CNTNAP2: variants seen among roughly 807,000 people sequenced by gnomAD.
The protein encoded by CNTNAP2 is contactin associated protein 2, also known as contactin-associated protein-like 2.
A neutral mutation model predicts 155.2 loss-of-function variants in CNTNAP2; 98 were observed. The observed-to-expected ratio is 0.63, with a 90% confidence interval of 0.54 to 0.75. The LOEUF is 0.75. CNTNAP2 is among the 30% of genes least tolerant of loss of function. CNTNAP2 has a pLI of 0.00. For synonymous variants in CNTNAP2, 651 were observed against 631.2 expected (o/e 1.03, Z -0.47); for missense variants, 1,727 against 1,688.1 (o/e 1.02, Z -0.40).
At chr7:147,503,403 T>TA (rs1204252955) in intron 11 of CNTNAP2, among the ~76,000 whole-genome samples, 1 of 152,136 alleles carries the variant, frequency 6.6e-6, no homozygotes, top group African/African-American at 2.4e-5. Flanking sequence ...GCAAAGACTG[T>TA]ATTCCCAAAT....
At chr7:147,932,780 T>C (rs1800529592) in intron 14 of CNTNAP2, among the ~76,000 whole-genome samples, 1 of 152,186 alleles carries the variant, frequency 6.6e-6, no homozygotes. Context: ...AGGCAACCTG[T>C]AGAATGAGAC....
At chr7:147,580,505 C>A (rs1800478511) in intron 12 of CNTNAP2, among the ~76,000 whole-genome samples, 1 of 152,152 alleles carries the variant, frequency 6.6e-6, no homozygotes, top group African/African-American at 2.4e-5. Context: ...GGTTCAGCAT[C>A]TTCACAGAAT....
At chr7:147,915,445 T>C (rs144749929) in intron 14 of CNTNAP2, among the ~76,000 whole-genome samples, 34 of 152,308 alleles carry the variant, frequency 2.2e-4, no homozygotes, top group Non-Finnish European at 4.3e-4. Context: ...TTCGTGCATA[T>C]TATAGGAATA....
intron 1 of CNTNAP2, among the ~76,000 whole-genome samples, chr7:146,195,504 C>T (rs1798762528): frequency 6.6e-6 from 1 of 152,204 alleles, no homozygotes. Flanking sequence ...GCTCCCTCTG[C>T]TTCCAATTGC....
chr7:147,227,770 G>C (rs1304757963), intron 8 of CNTNAP2, among the ~76,000 whole-genome samples: 1 of 152,188 alleles, frequency 6.6e-6, no homozygotes, highest in Non-Finnish European at 1.5e-5. Flanking sequence ...TTCCAGGGAA[G>C]ATGTGGAATA....
At position 147,782,701 on chromosome 7, in the gene CNTNAP2, A is replaced by C. The variant is rs1797677614; in HGVS notation, c.2099-120864A>C. Among the ~76,000 whole-genome samples, 3 of 152,274 alleles carry C rather than the reference A, an allele frequency of 2.0e-5. No homozygotes were observed. The East Asian group carries it at 5.8e-4, about 29-fold the overall frequency. On this transcript the variant is annotated intron_variant, in intron 13 of 23. Transcript: ENST00000361727. ...TTAGGGGTTCAGTCTCAATGTATAA[A>C]TTTTGAGGGGACACAAAAATTTAGA...
chr7:146,416,288 C>CTA (rs991806544), intron 1 of CNTNAP2, among the ~76,000 whole-genome samples: 32 of 149,922 alleles, frequency 2.1e-4, no homozygotes, highest in Non-Finnish European at 4.3e-4. Context: ...ATATATATAC[C>CTA]TATATATATA....
At chr7:148,245,333 C>T (rs142687111) in intron 20 of CNTNAP2, among the ~76,000 whole-genome samples, 4 of 152,148 alleles carry the variant, frequency 2.6e-5, no homozygotes, top group East Asian at 1.9e-4. Flanking sequence ...GAGTATGTGC[C>T]GACAGAGTTG....
intron 21 of CNTNAP2, among the ~76,000 whole-genome samples, chr7:148,278,677 T>C (rs1390800651): frequency 1.3e-5 from 2 of 151,688 alleles, no homozygotes; most frequent in African/African-American, 4.9e-5. Flanking sequence ...CACAGAACAA[T>C]GGATAAAACA....
chr7:147,983,082 G>C (rs1801559992), intron 15 of CNTNAP2, among the ~76,000 whole-genome samples: 1 of 148,008 alleles, frequency 6.8e-6, no homozygotes, highest in African/African-American at 2.5e-5. Context: ...TCTCCACGTT[G>C]TTTCTGTACC....
At chr7:146,288,318 A>AT (rs71175644) in intron 1 of CNTNAP2, among the ~76,000 whole-genome samples, 1 of 146,254 alleles carries the variant, frequency 6.8e-6, no homozygotes, top group Non-Finnish European at 1.5e-5. Flanking sequence ...AAAAAAAAAA[A>AT]TTTGTGTTTT....
intron 21 of CNTNAP2, among the ~76,000 whole-genome samples, chr7:148,348,030 C>T (rs1199308161): frequency 2.6e-5 from 4 of 152,224 alleles, no homozygotes; most frequent in South Asian, 2.1e-4. Flanking sequence ...TCTTGCAAGA[C>T]TCTTTGGCTA....
intron 8 of CNTNAP2, among the ~76,000 whole-genome samples, chr7:147,223,644 C>T (rs1026323867): frequency 6.6e-6 from 1 of 152,066 alleles, no homozygotes; most frequent in African/African-American, 2.4e-5. Flanking sequence ...ACATTTACAG[C>T]TATTAAGAAC....
intron 23 of CNTNAP2, among the ~76,000 whole-genome samples, chr7:148,413,435 T>TGTATA (rs1563079518): frequency 2.8e-4 from 30 of 108,098 alleles, no homozygotes; most frequent in African/African-American, 1.1e-3. Context: ...TATATATATA[T>TGTATA]ATATATATAT....
chr7:146,387,681 C>A (rs1041029392), intron 1 of CNTNAP2, among the ~76,000 whole-genome samples: 2 of 152,146 alleles, frequency 1.3e-5, no homozygotes, highest in African/African-American at 2.4e-5. Context: ...AGGCTGTGCA[C>A]CTTCTTTTCC....
chr7:148,037,135 A>G (rs2710147), intron 15 of CNTNAP2, among the ~76,000 whole-genome samples: 115,539 of 151,936 alleles, frequency 0.76, 44,945 homozygotes, highest in African/African-American at 0.92. Flanking sequence ...CCCACTGATC[A>G]ATATTTTCAA....
At chr7:147,769,101 C>T (rs1001827552) in intron 13 of CNTNAP2, among the ~76,000 whole-genome samples, 1 of 151,920 alleles carries the variant, frequency 6.6e-6, no homozygotes, top group Non-Finnish European at 1.5e-5. Context: ...ATTATATTAG[C>T]AAAAATTTAA....
In CNTNAP2 at chr7:148,420,172, T is replaced by C. The variant is rs1800082154; in HGVS notation, c.*4556T>C. The C allele has an allele frequency of 6.6e-6, 1 of 152,246 alleles. No homozygotes were observed. Among genetic ancestry groups the C allele is most frequent in the South Asian group, 2.1e-4 (1 of 4,832 alleles). The allele number at this position is 152,246 out of a possible 1,614,324, so 9.4% of individuals were successfully genotyped here. ...AAAGGACAGAGAAATTAGAATTTTT[T>C]GTGCAGAAAGCCCTAAATTCCCACC... On this transcript the variant is annotated 3_prime_UTR_variant, in exon 24 of 24. Transcript: ENST00000361727.
intron 8 of CNTNAP2, among the ~76,000 whole-genome samples, chr7:147,170,747 A>G (rs910900605): frequency 1.3e-5 from 2 of 152,162 alleles, no homozygotes; most frequent in Non-Finnish European, 2.9e-5. Context: ...GCAGGCTGCC[A>G]GAACACACTC....
Sources: gnomAD v4.1 joint callset for allele counts (sites outside exome capture counted in the v4.1 genomes callset) on GRCh38, gnomAD v4.1.1 for gene constraint, MANE v1.5 for transcripts, NCBI Gene and HGNC (gene_info 2026-07-23, HGNC 2026-07-21) for gene names.